The following TRAPPC8 variants were observed in gnomAD, a reference collection of about 807,000 sequenced individuals.
The protein encoded by TRAPPC8 is trafficking protein particle complex subunit 8, also known as general sporulation gene 1 homolog.
A neutral mutation model predicts 174.3 loss-of-function variants in TRAPPC8; 54 were observed. That is an observed-to-expected ratio of 0.31 (90% CI 0.25 to 0.39). TRAPPC8 has a LOEUF of 0.39. Among genes scored for constraint, TRAPPC8 ranks in the 10% least tolerant of loss-of-function variants. The pLI is 1.00. For missense variants in TRAPPC8, 1,531 were observed against 1,699.1 expected, an observed-to-expected ratio of 0.90 and a Z score of 1.74; for synonymous variants, 630 against 579.9, an observed-to-expected ratio of 1.09 and a Z score of -1.24.
chr18:31,916,618 C>T (rs934151343), intron 3 of TRAPPC8, among the ~76,000 whole-genome samples, 172 bp from the exon 4 acceptor site: 1 of 152,128 alleles, frequency 6.6e-6, no homozygotes, highest in Non-Finnish European at 1.5e-5. Flanking sequence ...ACACAACCTC[C>T]GCCTCCCAGG....
chr18:31,861,935 A>AGGGGG (rs1478982235), intron 19 of TRAPPC8, among the ~76,000 whole-genome samples: 13 of 46,188 alleles, frequency 2.8e-4, no homozygotes, highest in African/African-American at 3.8e-4. Flanking sequence ...GAAAAAAAAA[A>AGGGGG]AGGGGGGGGG....
intron 3 of TRAPPC8, among the ~76,000 whole-genome samples, chr18:31,917,267 G>T (rs2037187864): frequency 6.6e-6 from 1 of 151,986 alleles, no homozygotes; most frequent in Non-Finnish European, 1.5e-5. Context: ...ACATTGTTTA[G>T]ATTTTCTTTC....
At chr18:31,843,883 C>T (rs1430533795) in intron 26 of TRAPPC8, among the ~76,000 whole-genome samples, 3 of 152,168 alleles carry the variant, frequency 2.0e-5, no homozygotes, top group African/African-American at 7.2e-5. Context: ...AATATTATAG[C>T]TGTACTTATT....
In TRAPPC8 at chr18:31,909,015, T is replaced by C. The variant is rs2036791286; in HGVS notation, c.866-5A>G. The C allele has an allele frequency of 6.3e-7, 1 of 1,591,814 alleles. No homozygotes were observed. Among genetic ancestry groups the C allele is most frequent in the East Asian group, 2.3e-5 (1 of 44,416 alleles). ...TAAAGTTATTTGGTAAGCCATCTAC[T>C]GAAAAAGAGATTATTTCTTTTACTC... On this transcript the variant is annotated splice_region_variant and splice_polypyrimidine_tract_variant and intron_variant, in intron 6 of 28. Transcript: ENST00000283351.
At chr18:31,930,959 G>A (rs748041193) in intron 2 of TRAPPC8, among the ~76,000 whole-genome samples, 5 of 151,858 alleles carry the variant, frequency 3.3e-5, no homozygotes, top group East Asian at 1.9e-4. Flanking sequence ...AGTTAAAGAC[G>A]TACTCACAAC....
intron 1 of TRAPPC8, among the ~76,000 whole-genome samples, chr18:31,939,108 G>A (rs2038222736): frequency 7.8e-6 from 1 of 128,564 alleles, no homozygotes. Flanking sequence ...AAAAAAAGCT[G>A]TCTTTGAAGA....
At chr18:31,864,468 C>T (rs984791815) in intron 19 of TRAPPC8, among the ~76,000 whole-genome samples, 159 bp downstream of exon 19, 2 of 151,882 alleles carry the variant, frequency 1.3e-5, no homozygotes, top group Admixed American at 1.3e-4. Flanking sequence ...TGCATGATTG[C>T]CTTACATTGT....
chr18:31,927,412 G>A (rs1044050213), intron 2 of TRAPPC8, among the ~76,000 whole-genome samples: 2 of 151,876 alleles, frequency 1.3e-5, no homozygotes, highest in African/African-American at 4.8e-5. Context: ...ACAGGTGCCT[G>A]CTGCTGGCTA....
intron 11 of TRAPPC8, among the ~76,000 whole-genome samples, chr18:31,893,546 A>G (rs865859641): frequency 6.6e-6 from 1 of 152,214 alleles, no homozygotes; most frequent in African/African-American, 2.4e-5. Context: ...CCATTTTGTG[A>G]GTAAGTTAAC....
Position 31,931,367 on chromosome 18 carries a change from T to G in TRAPPC8, c.314A>C (p.Asn105Thr), listed in dbSNP as rs377647864. The stretch of plus-strand genomic sequence containing the variant: ...GTCATAATCTCCTGCTGTAATCACA[T>G]TAGCTACTAATCCTTCTGCAGGCTG... The part of the protein sequence containing the change: ...GSQPAEGLVA[N>T]VITAGDYDLN... Residue 105 changes from asparagine (N) to threonine (T), a missense_variant, in exon 2 of 29, where the codon AAT becomes ACT. Transcript: ENST00000283351. 11 of 1,608,942 alleles carry G rather than the reference T, an allele frequency of 6.8e-6. No individual in the cohort carries two copies. Among genetic ancestry groups the G allele is most frequent in the Non-Finnish European group, 9.3e-6 (11 of 1,177,694 alleles).
At chr18:31,941,213 C>T (rs62093903) in intron 1 of TRAPPC8, among the ~76,000 whole-genome samples, 35,921 of 152,074 alleles carry the variant, frequency 0.24, 4,887 homozygotes, top group South Asian at 0.5. Flanking sequence ...GAGGCCGAGG[C>T]GGGCAGATCA....
chr18:31,914,649 C>T (rs2037056053), intron 4 of TRAPPC8, among the ~76,000 whole-genome samples: 1 of 152,152 alleles, frequency 6.6e-6, no homozygotes, highest in African/African-American at 2.4e-5. Context: ...GGTCCATGCT[C>T]AGGACAAGGC....
At chr18:31,915,804 G>A (rs889697696) in intron 4 of TRAPPC8, among the ~76,000 whole-genome samples, 3 of 148,784 alleles carry the variant, frequency 2.0e-5, no homozygotes, top group African/African-American at 7.4e-5. Context: ...GGAGAATGGC[G>A]TGAACCCAGG....
intron 12 of TRAPPC8, among the ~76,000 whole-genome samples, chr18:31,885,084 C>T (rs929332111): frequency 1.3e-5 from 2 of 152,114 alleles, no homozygotes; most frequent in Non-Finnish European, 1.5e-5. Flanking sequence ...GTCTCGATCT[C>T]CTGACCTCGT....
rs2036797087 is a variant in TRAPPC8, at chr18:31,909,096, AAGC to A, written c.866-89_866-87del. 5 of 1,285,088 alleles carry A rather than the reference AAGC, an allele frequency of 3.9e-6. No homozygotes were observed. In the Admixed American group the frequency reaches 1.4e-4, roughly 37 times the overall value. The allele number at this position is 1,285,088 out of a possible 1,614,324, so 79.6% of individuals were successfully genotyped here. A position where few individuals can be genotyped will look rare whatever the true frequency, so the allele number is the denominator to read the frequency against. On this transcript the variant is annotated intron_variant, in intron 6 of 28. Transcript: ENST00000283351. The stretch of plus-strand genomic sequence containing the variant: ...TACCATACTGCTAAAGAAAAAAAAA[AAGC>A]AGAATGTTAAAATCCTTTATCTTTC...
At chr18:31,892,510 C>T (rs7226713) in intron 11 of TRAPPC8, among the ~76,000 whole-genome samples, 54,070 of 151,778 alleles carry the variant, frequency 0.36, 10,131 homozygotes, top group South Asian at 0.57. Context: ...GATAACTATC[C>T]TTATAGAAAC....
chr18:31,880,115 ATATATATTTTT>A (rs1192935044), intron 12 of TRAPPC8, among the ~76,000 whole-genome samples: 1 of 92,692 alleles, frequency 1.1e-5, no homozygotes. Flanking sequence ...ATATATATAT[ATATATATTTTT>A]TTTTTTTTAA....
At chr18:31,888,658 A>C (rs2035827329) in intron 12 of TRAPPC8, among the ~76,000 whole-genome samples, 2 of 152,234 alleles carry the variant, frequency 1.3e-5, no homozygotes, top group African/African-American at 2.4e-5. Context: ...TCAGCAAACT[A>C]ACACAGGAAG....
At chr18:31,836,389 A>G (rs372027048) in intron 27 of TRAPPC8, among the ~76,000 whole-genome samples, 57 of 152,346 alleles carry the variant, frequency 3.7e-4, no homozygotes, top group African/African-American at 1.3e-3. Context: ...CATAGATTCC[A>G]TAGGGTTTTT....
Sources: gnomAD v4.1 joint callset for allele counts (sites outside exome capture counted in the v4.1 genomes callset) on GRCh38, gnomAD v4.1.1 for gene constraint, MANE v1.5 for transcripts, NCBI Gene and HGNC (gene_info 2026-07-23, HGNC 2026-07-21) for gene names.